WDPCP: variants seen among roughly 807,000 people sequenced by gnomAD.
The protein encoded by WDPCP is WD repeat containing planar cell polarity effector.
A neutral mutation model predicts 93.1 loss-of-function variants in WDPCP; 71 were observed. That is an observed-to-expected ratio of 0.76 (90% confidence interval 0.63 to 0.93). The LOEUF (loss-of-function observed/expected upper bound fraction) is 0.93, where lower values mean the gene tolerates loss of function less well. Among genes scored for constraint, WDPCP ranks in the 40% least tolerant of loss-of-function variants. WDPCP has a pLI of 0.00. For missense variants in WDPCP, 844 were observed against 887.4 expected, an observed-to-expected ratio of 0.95 and a Z score of 0.62; for synonymous variants, 315 against 315.0, an observed-to-expected ratio of 1.00 and a Z score of 0.00.
intron 13 of WDPCP, among the ~76,000 whole-genome samples, chr2:63,294,532 G>C (rs1026579094): frequency 3.0e-5 from 3 of 99,734 alleles, no homozygotes; most frequent in African/African-American, 1.1e-4. Context: ...AAAAAAAAAA[G>C]TGCTGAAAGA....
chr2:63,228,790 C>A (rs1678552917), intron 14 of WDPCP: 1 of 152,086 alleles, frequency 6.6e-6, no homozygotes, highest in Non-Finnish European at 1.5e-5. Context: ...GCATAGTATT[C>A]CATGGTGTAT....
chr2:63,546,812 A>C (rs539851675), intron 1 of WDPCP, among the ~76,000 whole-genome samples: 2 of 152,264 alleles, frequency 1.3e-5, no homozygotes, highest in African/African-American at 4.8e-5. Flanking sequence ...AAACTCAAAA[A>C]CTTAATATAT....
chr2:63,831,686 T>C (rs1192228615), upstream of WDPCP, among the ~76,000 whole-genome samples: 1 of 148,776 alleles, frequency 6.7e-6, no homozygotes, highest in Admixed American at 6.7e-5. Flanking sequence ...TGTGTGTGTA[T>C]ATATATATAT....
chr2:63,432,741 T>C (rs145084572), intron 9 of WDPCP, among the ~76,000 whole-genome samples: 2 of 152,276 alleles, frequency 1.3e-5, no homozygotes, highest in East Asian at 3.9e-4. Flanking sequence ...AGATCTGTGC[T>C]TCAGGATCCA....
chr2:63,512,675 A>C (rs1702309107), intron 1 of WDPCP, among the ~76,000 whole-genome samples: 1 of 152,262 alleles, frequency 6.6e-6, no homozygotes, highest in Non-Finnish European at 1.5e-5. Context: ...TCTCACTCGT[A>C]AGTAGGAGTT....
intron 13 of WDPCP, among the ~76,000 whole-genome samples, chr2:63,301,790 C>A (rs62177827): frequency 6.9e-6 from 1 of 145,678 alleles, no homozygotes; most frequent in African/African-American, 2.5e-5. Context: ...CAAAGGGATG[C>A]CTTTTTTTTT....
chr2:63,556,615 T>C (rs1166916516), intron 1 of WDPCP, among the ~76,000 whole-genome samples: 1 of 152,108 alleles, frequency 6.6e-6, no homozygotes, highest in African/African-American at 2.4e-5. Context: ...GCTGAAGAGG[T>C]GTTGAAATCT....
intron 1 of WDPCP, among the ~76,000 whole-genome samples, chr2:63,563,303 T>A (rs1007869235): frequency 6.6e-6 from 1 of 151,882 alleles, no homozygotes; most frequent in Non-Finnish European, 1.5e-5. Context: ...ATGCCACATA[T>A]GGAACGTATA....
At chr2:63,294,291 G>A (rs552179711) in intron 13 of WDPCP, among the ~76,000 whole-genome samples, 14 of 148,380 alleles carry the variant, frequency 9.4e-5, no homozygotes, top group Admixed American at 2.7e-4. Context: ...ATCACTTGAG[G>A]TCAGGAGTTC....
At chr2:63,313,851 T>TAC (rs1686375821) in intron 12 of WDPCP, among the ~76,000 whole-genome samples, 2 of 99,358 alleles carry the variant, frequency 2.0e-5, no homozygotes, top group East Asian at 2.9e-4. Flanking sequence ...TAATTATTCA[T>TAC]ACATATATAT....
intron 3 of WDPCP, among the ~76,000 whole-genome samples, chr2:63,618,033 T>A (rs1308295675): frequency 6.6e-6 from 1 of 151,798 alleles, no homozygotes; most frequent in Non-Finnish European, 1.5e-5. Context: ...TTCTCTTATG[T>A]TTTTTTTCCA....
chr2:63,361,023 T>C (rs989138898), intron 12 of WDPCP, among the ~76,000 whole-genome samples: 2 of 152,214 alleles, frequency 1.3e-5, no homozygotes, highest in African/African-American at 4.8e-5. Flanking sequence ...CTTGGGAAAT[T>C]AACTAAATGC....
chr2:63,437,300 A>G (rs1196343451), intron 8 of WDPCP, 121 bp downstream of exon 8: 1 of 864,092 alleles, frequency 1.2e-6, no homozygotes, highest in African/African-American at 1.7e-5. Flanking sequence ...TAATCCTGTA[A>G]TATTTCCAGT....
intron 1 of WDPCP, among the ~76,000 whole-genome samples, chr2:63,580,732 C>T (rs77083169): frequency 0.012 from 1,842 of 152,268 alleles, 39 homozygotes; most frequent in African/African-American, 0.041. Flanking sequence ...CATTATGAGA[C>T]ATTACTGAGA....
intron 8 of WDPCP, among the ~76,000 whole-genome samples, chr2:63,437,196 T>C (rs1205060217): frequency 7.2e-5 from 11 of 152,010 alleles, no homozygotes; most frequent in Admixed American, 7.2e-4. Flanking sequence ...AAATACTATA[T>C]AAATTGCTCC....
At position 63,724,802 on chromosome 2, in the gene WDPCP, T is replaced by G. The variant is rs538901519; in HGVS notation, n.309-73964A>C. On this transcript the variant is annotated intron_variant and non_coding_transcript_variant, in intron 2 of 4. Coordinates refer to the WDPCP transcript ENST00000467687. ...CTTGTTTAAATAACTCATTGAGAGG[T>G]TTGTCACTGAACTGTTATCCTGAAA... is the stretch of plus-strand genomic sequence containing the variant. 2.0e-5 allele frequency among the ~76,000 whole-genome samples: 3 copies of G among 152,146 alleles called. No homozygotes were observed. The South Asian group carries it at 6.2e-4, about 32-fold the overall frequency.
intron 1 of WDPCP, chr2:63,571,249 CAT>C (rs1040875278): frequency 2.8e-5 from 11 of 388,452 alleles, no homozygotes; most frequent in Non-Finnish European, 5.0e-5. Flanking sequence ...TCACTTTCCT[CAT>C]GTGTAAAATA....
At chr2:63,365,122 G>A (rs1188797477) in intron 12 of WDPCP, among the ~76,000 whole-genome samples, 4 of 152,126 alleles carry the variant, frequency 2.6e-5, no homozygotes, top group Non-Finnish European at 4.4e-5. Flanking sequence ...ACTTGGAATG[G>A]GTGGACTTAA....
intron 15 of WDPCP, among the ~76,000 whole-genome samples, chr2:63,154,827 A>C (rs1165487255): frequency 2.6e-5 from 4 of 152,158 alleles, no homozygotes; most frequent in Admixed American, 6.5e-5. Flanking sequence ...AGTATTTTTA[A>C]AAATTATTGA....
Sources: allele counts gnomAD v4.1 joint callset (sites outside exome capture counted in the v4.1 genomes callset), GRCh38; gene constraint gnomAD v4.1.1; transcripts MANE v1.5; gene names NCBI Gene and HGNC (gene_info 2026-07-23, HGNC 2026-07-21).